ITGAM: variants seen among roughly 807,000 people sequenced by gnomAD.
ITGAM encodes the protein integrin alpha-M.
ITGAM carries 79 observed loss-of-function variants against 137.5 expected under a neutral mutation model. The ratio of observed to expected loss-of-function variants is 0.57; its 90% CI spans 0.48 to 0.69. ITGAM has a LOEUF of 0.69. ITGAM is among the 30% of genes least tolerant of loss of function. The pLI is 0.00. For missense variants in ITGAM, 1,343 were observed against 1,483.5 expected (o/e 0.91, Z 1.56); for synonymous variants, 583 against 592.3 (o/e 0.98, Z 0.23).
At chr16:31,261,198 CTTTTTTTTTT>C (rs1017498448) in intron 1 of ITGAM, among the ~76,000 whole-genome samples, 4 of 123,240 alleles carry the variant, frequency 3.2e-5, no homozygotes, top group East Asian at 2.5e-4. Context: ...ATGCTGCTAT[CTTTTTTTTTT>C]TTTTTTTTTT....
intron 14 of ITGAM, among the ~76,000 whole-genome samples, chr16:31,318,293 G>T (rs1361380215): frequency 2.0e-5 from 3 of 148,250 alleles, no homozygotes; most frequent in Non-Finnish European, 4.5e-5. Flanking sequence ...CTTATCTGTT[G>T]TTTCTGTTTT....
intron 12 of ITGAM, 24 bp downstream of exon 12, chr16:31,278,133 A>G (rs1452183365): frequency 2.5e-6 from 4 of 1,593,958 alleles, no homozygotes; most frequent in Admixed American, 3.5e-5. Flanking sequence ...GTGGAGCATG[A>G]ATGTGCAAAC....
chr16:31,321,270 G>T lies in ITGAM; in HGVS notation c.1737G>T (p.Arg579Ser), dbSNP rs754605580. 4 of 1,613,936 alleles carry T rather than the reference G, an allele frequency of 2.5e-6. No individual in the cohort carries two copies. Among genetic ancestry groups the T allele is most frequent in the South Asian group, 2.2e-5 (2 of 91,074 alleles). Residue 579 changes from arginine to serine, a missense_variant, in exon 15 of 30, where the codon AGG becomes AGT. Physicochemically the swap from Arg to Ser is moderately radical, Grantham distance 110. Transcript: ENST00000544665. ...QRIAGSKLSPRLQYFGQSLSG... is the reference protein window; with the variant it reads ...QRIAGSKLSPSLQYFGQSLSG... ...TAGCAGGCTCCAAGCTCTCTCCCAG[G>T]CTCCAGTATTTTGGTCAGTCACTGA...
intron 14 of ITGAM, among the ~76,000 whole-genome samples, chr16:31,320,854 C>A (rs760002065): frequency 6.6e-6 from 1 of 152,054 alleles, no homozygotes. Flanking sequence ...TTACTTTTCC[C>A]TGTATGCAGG....
intron 3 of ITGAM, 108 bp downstream of exon 3, chr16:31,265,606 G>A: frequency 1.2e-6 from 1 of 801,586 alleles, no homozygotes; most frequent in South Asian, 1.7e-5. Context: ...ACAGGTGCCT[G>A]CCTCCGTACC....
In ITGAM at chr16:31,330,609, C is replaced by A. The variant is rs1321214660; in HGVS notation, c.3276+4C>A. On this transcript the variant is annotated splice_donor_region_variant and intron_variant, in intron 28 of 29. Coordinates refer to ENST00000544665, the MANE Select transcript of ITGAM (RefSeq NM_000632.4). ...GGGGGCGTTTGTGAGGTCCCAGGTA[C>A]CTGTCTTGGGCGCTGAGGAACTATT... 19 of 1,598,700 alleles carry A rather than the reference C, an allele frequency of 1.2e-5. No individual in the cohort carries two copies. In the South Asian group the frequency reaches 2.0e-4, roughly 17 times the overall value.
intron 14 of ITGAM, among the ~76,000 whole-genome samples, chr16:31,319,643 GTTTACA>G (rs2080427393): frequency 1.3e-5 from 2 of 151,980 alleles, no homozygotes; most frequent in South Asian, 4.1e-4. Flanking sequence ...GTTTGCTTCT[GTTTACA>G]TTTAAAGTAA....
At chr16:31,280,528 GCTCT>G (rs1204963124) in intron 12 of ITGAM, among the ~76,000 whole-genome samples, 1 of 152,092 alleles carries the variant, frequency 6.6e-6, no homozygotes, top group African/African-American at 2.4e-5. Flanking sequence ...TCATGATTTA[GCTCT>G]CTGTTTGTCT....
rs1413471502 is a variant in ITGAM at position 31,324,364 on chromosome 16, A to G, written c.2003-35A>G. On this transcript the variant is annotated intron_variant, in intron 16 of 29. Transcript: ENST00000544665. This position sits in a 1 kb window ranked among gnomAD's most constrained non-coding sequence, Gnocchi z 4.5. ...TCCCATCTGCCGGGTTCCGAGGCTC[A>G]GGCCCCTCACTGCTGTGCCACCCTG... 1 of 1,541,950 alleles carries G rather than the reference A, an allele frequency of 6.5e-7. No individual in the cohort carries two copies. The highest frequency in any genetic ancestry group is 8.8e-7 in the Non-Finnish European group (1 of 1,138,772).
chr16:31,267,192 G>A lies in ITGAM; in HGVS notation c.427+1045G>A, dbSNP rs187373888. ...GAGCCACCATGCCTGGCCAGAGTGC[G>A]TGGATCTTTCAAGCTGCTTTTTCCC... On this transcript the variant is annotated intron_variant, in intron 5 of 29. Coordinates refer to ENST00000544665, the MANE Select transcript of ITGAM (RefSeq NM_000632.4). Among the ~76,000 whole-genome samples the A allele has an allele frequency of 1.1e-4, 17 of 152,272 alleles. 2 individuals carry two copies. The highest frequency in any genetic ancestry group is 3.4e-4 in the African/African-American group (14 of 41,568).
rs570133663 is a variant in ITGAM at position 31,310,917 on chromosome 16, G to A, written c.1708-10324G>A. 9.9e-5 allele frequency among the ~76,000 whole-genome samples: 15 copies of A among 152,192 alleles called. No homozygotes were observed. The East Asian group carries it at 2.9e-3, about 29-fold the overall frequency. ...TTGTTAGTTTTCCTTCTAACAGTCAGGACCTTCAGCTGCTGGAGATATAGA... is the reference window on the plus strand; with the variant it reads ...TTGTTAGTTTTCCTTCTAACAGTCAAGACCTTCAGCTGCTGGAGATATAGA... On this transcript the variant is annotated intron_variant, in intron 14 of 29. Coordinates refer to ENST00000544665, the MANE Select transcript of ITGAM (RefSeq NM_000632.4).
intron 12 of ITGAM, among the ~76,000 whole-genome samples, chr16:31,292,950 A>G (rs2080101175): frequency 6.6e-6 from 1 of 152,140 alleles, no homozygotes; most frequent in Admixed American, 6.6e-5. Context: ...ACTAATAGCC[A>G]TTCTAACTGG....
chr16:31,324,862 C>T lies in ITGAM; in HGVS notation c.2289+80C>T. 6.5e-7 allele frequency: 1 copy of T among 1,545,472 alleles called. No individual in the cohort carries two copies. Among genetic ancestry groups the T allele is most frequent in the East Asian group, 2.2e-5 (1 of 44,506 alleles). On this transcript the variant is annotated intron_variant, in intron 18 of 29. Transcript: ENST00000544665. This position sits in a 1 kb window ranked among gnomAD's most constrained non-coding sequence, Gnocchi z 4.5. ...GGTTGAAACTCATTTTATTTGATTG[C>T]ATCTAATTTTACTTCAACATTTGAT...
At position 31,327,952 on chromosome 16, in the gene ITGAM, A is replaced by T. The variant is rs41465245; in HGVS notation, c.2709-195A>T. ...TGAATTCAGGGGACCAGTTAGAAGA[A>T]GGTGGTTGCAGACATCCAGCTGGAG... On this transcript the variant is annotated intron_variant, in intron 22 of 29. Transcript: ENST00000544665. 1,768 of 580,440 alleles carry T rather than the reference A, an allele frequency of 3.0e-3. 19 individuals are homozygous for T. Among genetic ancestry groups the T allele is most frequent in the African/African-American group, 0.029 (1,567 of 53,564 alleles). 36.0% of individuals were successfully genotyped at this position (580,440 alleles called of 1,614,324 possible).
At chr16:31,277,285 T>C (rs2079918093) in intron 11 of ITGAM, among the ~76,000 whole-genome samples, 1 of 151,940 alleles carries the variant, frequency 6.6e-6, no homozygotes, top group South Asian at 2.1e-4. Flanking sequence ...CTCTGCCTCC[T>C]GCGCTCAAGC....
At chr16:31,314,306 T>C (rs1488203430) in intron 14 of ITGAM, among the ~76,000 whole-genome samples, 1 of 152,190 alleles carries the variant, frequency 6.6e-6, no homozygotes, top group African/African-American at 2.4e-5. Flanking sequence ...ATTTTGCCCA[T>C]GCCTATGCCC....
In ITGAM at chr16:31,329,852, G is replaced by A. The variant is rs868551614; in HGVS notation, c.2923G>A (p.Val975Ile). The A allele has an allele frequency of 2.3e-5, 36 of 1,564,684 alleles. No homozygotes were observed. In the African/African-American group the frequency reaches 4.1e-4, roughly 18 times the overall value. The change falls in exon 25 of 30, where the codon GTC becomes ATC. Residue 975 changes from valine to isoleucine, a missense_variant. Coordinates refer to ENST00000544665, the MANE Select transcript of ITGAM (RefSeq NM_000632.4). ...LPISLVFLVPVRLNQTVIWDR... is the reference protein window; with the variant it reads ...LPISLVFLVPIRLNQTVIWDR... Reference sequence around the variant, plus strand: ...CATCAGCCTGGTGTTCTTGGTGCCCGTCCGGCTGAACCAGACTGTCATATG... The same window carrying A: ...CATCAGCCTGGTGTTCTTGGTGCCCATCCGGCTGAACCAGACTGTCATATG...
chr16:31,266,417 TAAAA>T (rs11331941), intron 5 of ITGAM, among the ~76,000 whole-genome samples: 38 of 129,588 alleles, frequency 2.9e-4, no homozygotes, highest in African/African-American at 9.3e-4. Context: ...ATCCTGTCTC[TAAAA>T]AAAAAAAAAA....
At position 31,276,935 on chromosome 16, in the gene ITGAM, A is replaced by G; in HGVS notation, c.1099A>G (p.Ser367Gly). 6.2e-7 allele frequency: 1 copy of G among 1,612,790 alleles called. No individual in the cohort carries two copies. The stretch of plus-strand genomic sequence containing the variant: ...CCTTTCCCAGAATGGCCCCTTGCTG[A>G]GCACTGTGGGGAGCTATGACTGGGC... ...AAITSNGPLL[S>G]TVGSYDWAGG... Residue 367 changes from serine to glycine, a missense_variant, in exon 11 of 30, where the codon AGC (serine) becomes GGC (glycine). Ser to Gly is a moderately conservative substitution (Grantham distance 56). Transcript: ENST00000544665.
Sources: allele counts gnomAD v4.1 joint callset (sites outside exome capture counted in the v4.1 genomes callset), GRCh38; gene constraint gnomAD v4.1.1; non-coding constraint Gnocchi (gnomAD v3.1); transcripts MANE v1.5; gene names NCBI Gene and HGNC (gene_info 2026-07-23, HGNC 2026-07-21).